The following MTRF1 variants were observed in gnomAD, a reference collection of about 807,000 sequenced individuals.
The protein encoded by MTRF1 is mitochondrial translation release factor 1.
MTRF1 carries 51 observed loss-of-function variants against 62.9 expected under a neutral mutation model. The ratio of observed to expected loss-of-function variants is 0.81; its 90% confidence interval spans 0.65 to 1.02. The LOEUF is 1.02. MTRF1 is among the 50% of genes least tolerant of loss of function. The pLI, the probability that MTRF1 is intolerant of heterozygous loss-of-function variation, is 0.00. For synonymous variants in MTRF1, 158 were observed against 181.9 expected, an observed-to-expected ratio of 0.87 and a Z score of 1.06; for missense variants, 446 against 530.0, an observed-to-expected ratio of 0.84 and a Z score of 1.56.
intron 3 of MTRF1, among the ~76,000 whole-genome samples, chr13:41,253,733 A>G (rs1288561105): frequency 2.0e-5 from 3 of 152,214 alleles, no homozygotes; most frequent in Admixed American, 6.5e-5. Flanking sequence ...GATATAGTCT[A>G]TGGGAGAGAA....
chr13:41,266,996 C>CAAAAAAA (rs59609555), upstream of MTRF1, among the ~76,000 whole-genome samples: 1 of 81,214 alleles, frequency 1.2e-5, no homozygotes, highest in African/African-American at 4.6e-5. Context: ...GACTCTGTCT[C>CAAAAAAA]AAAAAAAAAA....
Position 41,245,405 on chromosome 13 carries a change from T to C in MTRF1, c.698-4972A>G, listed in dbSNP as rs373307791. Among the ~76,000 whole-genome samples, 166 of 152,032 alleles carry C rather than the reference T, an allele frequency of 1.1e-3. 1 individual carries two copies. Among genetic ancestry groups the C allele is most frequent in the African/African-American group, 3.2e-3 (131 of 41,452 alleles). On this transcript the variant is annotated intron_variant, in intron 5 of 9. Transcript: ENST00000379480. Reference sequence around the variant, plus strand: ...ACAGACGTGTGCCACCATGCTCAGCTAATTTTTAAAATTTTTTGTAGAGAC... The same window carrying C: ...ACAGACGTGTGCCACCATGCTCAGCCAATTTTTAAAATTTTTTGTAGAGAC...
At chr13:41,227,124 A>T (rs1032225391) in intron 7 of MTRF1, among the ~76,000 whole-genome samples, 3 of 152,104 alleles carry the variant, frequency 2.0e-5, no homozygotes, top group Non-Finnish European at 2.9e-5. Flanking sequence ...CCCCATCTCT[A>T]AAAATACAAA....
the MTRF1 span, chr13:41,311,234 C>G: frequency 3.9e-6 from 2 of 514,082 alleles, no homozygotes; most frequent in Admixed American, 3.9e-5. Context: ...CGCACAGGAT[C>G]CGGCTCGGGA....
rs1317252031 is a variant in MTRF1 at position 41,237,019 on chromosome 13, G to C, written c.871-3012C>G. Among the ~76,000 whole-genome samples the C allele has an allele frequency of 3.3e-5, 5 of 152,044 alleles. 1 individual carries two copies. Among genetic ancestry groups the C allele is most frequent in the Admixed American group, 3.3e-4 (5 of 15,272 alleles). On this transcript the variant is annotated intron_variant, in intron 6 of 9. Transcript: ENST00000379480. Reference sequence around the variant, plus strand: ...GATCACTTGAGCTCAGGAGGTTCAAGACCAGCCTGAGCAACATGGCGAAAC... The same window carrying C: ...GATCACTTGAGCTCAGGAGGTTCAACACCAGCCTGAGCAACATGGCGAAAC...
the MTRF1 span, among the ~76,000 whole-genome samples, chr13:41,295,031 A>G: frequency 6.6e-6 from 1 of 152,124 alleles, no homozygotes; most frequent in African/African-American, 2.4e-5. Context: ...TCGGAAGTTC[A>G]ACTTTTACTG....
intron 6 of MTRF1, chr13:41,236,024 C>CACAGACACAGACAG (rs1197343456): frequency 6.7e-6 from 1 of 148,870 alleles, no homozygotes; most frequent in Admixed American, 6.8e-5. Context: ...GAAACTTATA[C>CACAGACACAGACAG]ACAGACACAG....
chr13:41,306,207 C>T, the MTRF1 span, among the ~76,000 whole-genome samples: 1 of 152,054 alleles, frequency 6.6e-6, no homozygotes. Flanking sequence ...ACGGTGAAAC[C>T]CCGTCTCTAC....
At chr13:41,232,541 A>C (rs918651061) in intron 7 of MTRF1, among the ~76,000 whole-genome samples, 1 of 152,244 alleles carries the variant, frequency 6.6e-6, no homozygotes, top group Admixed American at 6.5e-5. Flanking sequence ...ATTTCCATGA[A>C]ATGATCGATG....
chr13:41,249,935 T>C (rs1168949195), intron 5 of MTRF1, among the ~76,000 whole-genome samples: 1 of 152,062 alleles, frequency 6.6e-6, no homozygotes, highest in East Asian at 1.9e-4. Context: ...ACTTTAAAGA[T>C]ATATGAGTAA....
At chr13:41,254,487 T>C in intron 3 of MTRF1, 42 bp downstream of exon 3, 1 of 1,454,944 alleles carries the variant, frequency 6.9e-7, no homozygotes, top group Non-Finnish European at 9.6e-7. Context: ...CAGCATTCCT[T>C]TATACAGCAC....
chr13:41,249,122 T>C (rs1001278173), intron 5 of MTRF1, among the ~76,000 whole-genome samples: 2 of 152,178 alleles, frequency 1.3e-5, no homozygotes, highest in Non-Finnish European at 2.9e-5. Context: ...TCCATTTCAA[T>C]TAAACATTAA....
chr13:41,307,730 C>A, the MTRF1 span, among the ~76,000 whole-genome samples: 2 of 152,126 alleles, frequency 1.3e-5, no homozygotes, highest in African/African-American at 4.8e-5. Flanking sequence ...TTTCCTGAGG[C>A]CTCCCCAGCC....
At chr13:41,261,870 G>T in intron 1 of MTRF1, 2 of 770,478 alleles carry the variant, frequency 2.6e-6, no homozygotes, top group Non-Finnish European at 3.2e-6. Context: ...AGAAAGTAGG[G>T]CTGGTGAAAA....
chr13:41,281,131 GCA>G, the MTRF1 span, among the ~76,000 whole-genome samples: 1 of 152,128 alleles, frequency 6.6e-6, no homozygotes, highest in East Asian at 1.9e-4. Context: ...TCGAGTGTGA[GCA>G]CACACTCAGG....
rs1299824164 is a variant in MTRF1 at position 41,252,653 on chromosome 13, G to A, written c.689C>T (p.Ala230Val). 1 of 1,609,278 alleles carries A rather than the reference G, an allele frequency of 6.2e-7. No homozygotes were observed. The highest frequency in any genetic ancestry group is 1.1e-5 in the South Asian group (1 of 90,934). The change falls in exon 5 of 10, where the codon GCA becomes GTA. Residue 230 changes from alanine (A) to valine (V), a missense_variant. Ala to Val is a moderately conservative substitution (Grantham distance 64, BLOSUM62 0). Coordinates refer to ENST00000379480, the MANE Select transcript of MTRF1 (RefSeq NM_004294.4). ...TTCCTCAATATGCCTACCATAATCT[G>A]CTGGTGTATAATTCAGAAGTTCAAA... ...WQFELLNYTP[A>V]DYGGLHHAAA...
At chr13:41,311,494 T>TC in the MTRF1 span, 1 of 1,572,688 alleles carries the variant, frequency 6.4e-7, no homozygotes, top group Non-Finnish European at 8.6e-7. Context: ...GCACCTAGCC[T>TC]CCCTGCCGGC....
At chr13:41,263,195 C>G (rs1411179048) in intron 1 of MTRF1, 2 of 1,086,588 alleles carry the variant, frequency 1.8e-6, no homozygotes, top group African/African-American at 3.2e-5. Flanking sequence ...TAGTAGAATG[C>G]ATAATTTTCA....
At chr13:41,278,296 C>A in the MTRF1 span, among the ~76,000 whole-genome samples, 1 of 152,122 alleles carries the variant, frequency 6.6e-6, no homozygotes, top group African/African-American at 2.4e-5. Flanking sequence ...ACAAAATGCA[C>A]AAACAAAGCA....
Sources: gnomAD v4.1 joint callset for allele counts (sites outside exome capture counted in the v4.1 genomes callset) on GRCh38, gnomAD v4.1.1 for gene constraint, MANE v1.5 for transcripts, NCBI Gene and HGNC (gene_info 2026-07-23, HGNC 2026-07-21) for gene names.